LRRIQ1: variants seen among roughly 807,000 people sequenced by gnomAD.
LRRIQ1 encodes leucine rich repeats and IQ motif containing 1, also known as leucine-rich repeat- and IQ domain-containing protein 1.
LRRIQ1 carries 210 observed loss-of-function variants against 211.9 expected under a neutral mutation model. The observed-to-expected ratio is 0.99, with a 90% CI of 0.89 to 1.11. The LOEUF is 1.11. Ranked by LOEUF, LRRIQ1 falls within the 50% of genes most tolerant of loss-of-function variation. The pLI is 0.00. For missense variants in LRRIQ1, 2,136 were observed against 1,939.5 expected (o/e 1.10, Z -1.90); for synonymous variants, 699 against 650.1 (o/e 1.08, Z -1.14).
intron 15 of LRRIQ1, among the ~76,000 whole-genome samples, chr12:85,113,106 G>A (rs1887304645): frequency 6.6e-6 from 1 of 152,064 alleles, no homozygotes; most frequent in African/African-American, 2.4e-5. Context: ...GTGGCACCTT[G>A]AGTACAAATG....
chr12:85,171,907 T>C (rs1448683748), intron 24 of LRRIQ1, among the ~76,000 whole-genome samples: 1 of 152,180 alleles, frequency 6.6e-6, no homozygotes, highest in Non-Finnish European at 1.5e-5. Context: ...TAAATTTCTG[T>C]TATTTAAGCA....
intron 11 of LRRIQ1, among the ~76,000 whole-genome samples, chr12:85,081,234 A>T (rs1456969211): frequency 6.6e-6 from 1 of 152,142 alleles, no homozygotes; most frequent in Non-Finnish European, 1.5e-5. Flanking sequence ...GAAAGATGTG[A>T]TCTTCTCACT....
At chr12:85,258,231 A>G (rs1014016074) in intron 1 of LRRIQ1, among the ~76,000 whole-genome samples, 5 of 151,872 alleles carry the variant, frequency 3.3e-5, no homozygotes, top group African/African-American at 1.2e-4. Flanking sequence ...AGTAACAAAT[A>G]CTGTGGATAT....
At chr12:85,076,854 T>G (rs1174520064) in intron 11 of LRRIQ1, among the ~76,000 whole-genome samples, 1 of 152,020 alleles carries the variant, frequency 6.6e-6, no homozygotes, top group Admixed American at 6.6e-5. Flanking sequence ...CAATGCTTAG[T>G]GTAAAGCTGA....
intron 11 of LRRIQ1, among the ~76,000 whole-genome samples, chr12:85,073,525 G>T (rs1363553264): frequency 6.6e-6 from 1 of 152,012 alleles, no homozygotes; most frequent in Non-Finnish European, 1.5e-5. Flanking sequence ...TGTAAAAAAA[G>T]AAATGCTTGA....
chr12:85,214,389 A>G (rs979305658), intron 24 of LRRIQ1, among the ~76,000 whole-genome samples: 3 of 152,174 alleles, frequency 2.0e-5, no homozygotes, highest in Non-Finnish European at 4.4e-5. Flanking sequence ...ATCCACAAAT[A>G]GCCAATTACA....
chr12:85,260,312 A>G (rs1896248610), intron 1 of LRRIQ1, among the ~76,000 whole-genome samples: 1 of 151,974 alleles, frequency 6.6e-6, no homozygotes, highest in South Asian at 2.1e-4. Flanking sequence ...GAAACACTGT[A>G]TCAAAAAATA....
chr12:85,085,476 A>T (rs375571031), intron 11 of LRRIQ1, among the ~76,000 whole-genome samples: 8 of 152,148 alleles, frequency 5.3e-5, no homozygotes, highest in East Asian at 3.9e-4. Flanking sequence ...GAATATGTGC[A>T]GGTTTGTTAC....
intron 26 of LRRIQ1, among the ~76,000 whole-genome samples, chr12:85,233,815 A>C (rs1196350429): frequency 6.6e-6 from 1 of 152,172 alleles, no homozygotes; most frequent in East Asian, 1.9e-4. Context: ...GAAAATTGCT[A>C]ATTTAGGCCA....
intron 9 of LRRIQ1, among the ~76,000 whole-genome samples, chr12:85,066,455 A>G (rs61930044): frequency 4.4e-3 from 663 of 152,028 alleles, no homozygotes; most frequent in South Asian, 0.011. Context: ...GAGAGACAAG[A>G]ATGACAATAT....
chr12:85,038,819 C>A (rs1934088303), intron 2 of LRRIQ1, among the ~76,000 whole-genome samples: 1 of 151,302 alleles, frequency 6.6e-6, no homozygotes, highest in South Asian at 2.1e-4. Flanking sequence ...TCTAATTTTT[C>A]TCAATTGATT....
chr12:85,190,652 T>C (rs1892466597), intron 24 of LRRIQ1, among the ~76,000 whole-genome samples: 1 of 151,736 alleles, frequency 6.6e-6, no homozygotes, highest in Non-Finnish European at 1.5e-5. Context: ...TGATTTTAAA[T>C]TTGTAACTCT....
intron 24 of LRRIQ1, among the ~76,000 whole-genome samples, chr12:85,187,819 A>G (rs1473160949): frequency 2.0e-5 from 3 of 151,836 alleles, no homozygotes; most frequent in Admixed American, 1.3e-4. Context: ...CAAAAAAAAA[A>G]AAAAAAAGAA....
intron 8 of LRRIQ1, among the ~76,000 whole-genome samples, chr12:85,063,295 A>G (rs926836187): frequency 6.6e-6 from 1 of 151,624 alleles, no homozygotes; most frequent in African/African-American, 2.4e-5. Context: ...AAAGAAGGGT[A>G]TTTCCCATAA....
intron 7 of LRRIQ1, 131 bp from the exon 8 acceptor site, chr12:85,055,416 A>G: frequency 1.4e-6 from 1 of 715,418 alleles, no homozygotes; most frequent in Non-Finnish European, 2.0e-6. Context: ...TAGTTTCTCT[A>G]AATAAATTTT....
intron 6 of LRRIQ1, among the ~76,000 whole-genome samples, chr12:85,048,743 A>C (rs1449053878): frequency 6.6e-6 from 1 of 152,176 alleles, no homozygotes; most frequent in Non-Finnish European, 1.5e-5. Flanking sequence ...CTTTAAAAAA[A>C]AGAAATCCAA....
intron 24 of LRRIQ1, among the ~76,000 whole-genome samples, chr12:85,222,280 A>T (rs2137135325): frequency 6.6e-6 from 1 of 152,282 alleles, no homozygotes; most frequent in South Asian, 2.1e-4. Flanking sequence ...ATACGGAGAG[A>T]GTATAGCCTA....
chr12:85,165,112 T>A (rs1316826511), intron 24 of LRRIQ1, among the ~76,000 whole-genome samples: 3 of 152,156 alleles, frequency 2.0e-5, no homozygotes, highest in Non-Finnish European at 2.9e-5. Context: ...GTCTGTGAGA[T>A]TATTAGTAAA....
chr12:85,099,483 C>T (rs1886175095), intron 13 of LRRIQ1, among the ~76,000 whole-genome samples: 1 of 151,776 alleles, frequency 6.6e-6, no homozygotes, highest in Admixed American at 6.6e-5. Context: ...TAAAAAAATA[C>T]CTTAACATTC....
Sources: gnomAD v4.1 joint callset for allele counts (sites outside exome capture counted in the v4.1 genomes callset) on GRCh38, gnomAD v4.1.1 for gene constraint, MANE v1.5 for transcripts, NCBI Gene and HGNC (gene_info 2026-07-23, HGNC 2026-07-21) for gene names.